DPP10: variants seen among roughly 807,000 people sequenced by gnomAD.
DPP10 encodes the protein dipeptidyl peptidase like 10.
A neutral mutation model predicts 120.9 loss-of-function variants in DPP10; 33 were observed. The observed-to-expected ratio is 0.27, with a 90% CI of 0.21 to 0.37. The LOEUF is 0.37. Among genes scored for constraint, DPP10 ranks in the 10% least tolerant of loss-of-function variants. The probability of loss-of-function intolerance (pLI) is 1.00; values close to 1 mark genes in which losing one functional copy is unlikely to be tolerated. For synonymous variants in DPP10, 337 were observed against 326.1 expected, an observed-to-expected ratio of 1.03 and a Z score of -0.36; for missense variants, 816 against 942.8, an observed-to-expected ratio of 0.87 and a Z score of 1.76.
intron 1 of DPP10, among the ~76,000 whole-genome samples, chr2:114,775,877 T>A (rs1384948223): frequency 6.6e-6 from 1 of 152,172 alleles, no homozygotes; most frequent in Non-Finnish European, 1.5e-5. Flanking sequence ...AAGACACTCC[T>A]ACGTCTCAAG....
chr2:114,874,696 C>T (rs550210667), intron 1 of DPP10, among the ~76,000 whole-genome samples: 1 of 152,196 alleles, frequency 6.6e-6, no homozygotes, highest in South Asian at 2.1e-4. Flanking sequence ...ATCTCCCCAA[C>T]CCCTGGTCCA....
At position 115,737,024 on chromosome 2, in the gene DPP10, C is replaced by T. The variant is rs576647795; in HGVS notation, c.698-2715C>T. ...GACAACGAAGTATTCTGTTCAAAAT[C>T]TTACCAACTGGGAAGATTTCTGTTT... On this transcript the variant is annotated intron_variant, in intron 8 of 25. Transcript: ENST00000410059. 2.0e-5 allele frequency among the ~76,000 whole-genome samples: 3 copies of T among 152,276 alleles called. No homozygotes were observed. In the South Asian group the frequency reaches 6.2e-4, roughly 32 times the overall value.
chr2:115,064,979 A>T (rs1156687318), intron 1 of DPP10, among the ~76,000 whole-genome samples: 1 of 152,142 alleles, frequency 6.6e-6, no homozygotes, highest in Admixed American at 6.5e-5. Flanking sequence ...GTGTATGTTT[A>T]TATTATAATT....
At chr2:115,526,778 T>G (rs2078158375) in intron 5 of DPP10, among the ~76,000 whole-genome samples, 1 of 152,108 alleles carries the variant, frequency 6.6e-6, no homozygotes, top group Non-Finnish European at 1.5e-5. Flanking sequence ...CACATGGAAT[T>G]TCACAGTTCG....
At chr2:115,100,167 G>A (rs957956136) in intron 1 of DPP10, among the ~76,000 whole-genome samples, 1 of 152,134 alleles carries the variant, frequency 6.6e-6, no homozygotes, top group East Asian at 1.9e-4. Context: ...TCTGTTGGCT[G>A]CATGCAGTGG....
intron 3 of DPP10, among the ~76,000 whole-genome samples, chr2:115,408,318 C>T (rs1260638630): frequency 6.6e-6 from 1 of 152,036 alleles, no homozygotes; most frequent in Non-Finnish European, 1.5e-5. Flanking sequence ...AGTGCGCAGG[C>T]GGGCATTATT....
chr2:115,577,101 C>G (rs1338390433), intron 5 of DPP10, among the ~76,000 whole-genome samples: 2 of 152,206 alleles, frequency 1.3e-5, no homozygotes, highest in African/African-American at 2.4e-5. Context: ...CTCTCTCTCT[C>G]TGTTCCTAAA....
intron 3 of DPP10, among the ~76,000 whole-genome samples, chr2:115,368,515 T>A (rs1338989301): frequency 6.6e-6 from 1 of 152,112 alleles, no homozygotes; most frequent in Non-Finnish European, 1.5e-5. Context: ...TTCCACATAT[T>A]TGAAGCACCA....
intron 1 of DPP10, among the ~76,000 whole-genome samples, chr2:115,026,073 A>T (rs1325646199): frequency 1.3e-5 from 2 of 151,900 alleles, no homozygotes; most frequent in Non-Finnish European, 2.9e-5. Flanking sequence ...TGCTTTTGAG[A>T]TTTTACACAA....
chr2:114,599,436 T>C (rs927235380), intron 1 of DPP10, among the ~76,000 whole-genome samples: 1 of 152,012 alleles, frequency 6.6e-6, no homozygotes, highest in Non-Finnish European at 1.5e-5. Flanking sequence ...TCTATAACCA[T>C]AGATTAGTTT....
chr2:115,490,183 A>G (rs115812361), intron 3 of DPP10, among the ~76,000 whole-genome samples: 2,550 of 152,212 alleles, frequency 0.017, 38 homozygotes, highest in Non-Finnish European at 0.026. Flanking sequence ...GAGACTGGGT[A>G]ATTTATAAAG....
At chr2:115,775,413 T>A (rs34033379) in intron 13 of DPP10, among the ~76,000 whole-genome samples, 13,346 of 151,926 alleles carry the variant, frequency 0.088, 635 homozygotes, top group South Asian at 0.13. Flanking sequence ...TTTAAAAATA[T>A]TAAAAGAATA....
intron 1 of DPP10, among the ~76,000 whole-genome samples, chr2:114,913,582 T>C (rs903626191): frequency 3.9e-5 from 6 of 152,088 alleles, no homozygotes; most frequent in African/African-American, 1.4e-4. Context: ...CCATCCAAAG[T>C]GGCAATTTTA....
At chr2:115,140,881 C>T (rs925590701) in intron 1 of DPP10, among the ~76,000 whole-genome samples, 1 of 146,506 alleles carries the variant, frequency 6.8e-6, no homozygotes, top group Middle Eastern at 3.5e-3. Flanking sequence ...TGAGATACTT[C>T]TTAGCTATTC....
intron 13 of DPP10, among the ~76,000 whole-genome samples, chr2:115,769,254 T>C (rs1035462633): frequency 3.9e-5 from 6 of 151,996 alleles, no homozygotes; most frequent in African/African-American, 1.4e-4. Context: ...TAGCTAAGAG[T>C]AATTTCATAC....
At chr2:115,009,542 A>C (rs1485000174) in intron 1 of DPP10, among the ~76,000 whole-genome samples, 1 of 152,002 alleles carries the variant, frequency 6.6e-6, no homozygotes, top group Non-Finnish European at 1.5e-5. Flanking sequence ...ACTAACCTGC[A>C]CAATGTGCAC....
chr2:114,979,734 A>C (rs1699970154), intron 1 of DPP10, among the ~76,000 whole-genome samples: 1 of 152,090 alleles, frequency 6.6e-6, no homozygotes, highest in African/African-American at 2.4e-5. Context: ...TTAAATTATA[A>C]GCAATAAAAA....
chr2:114,922,479 T>C (rs1428773721), intron 1 of DPP10, among the ~76,000 whole-genome samples: 3 of 152,104 alleles, frequency 2.0e-5, no homozygotes, highest in Non-Finnish European at 4.4e-5. Flanking sequence ...TGCTTGTTAA[T>C]TTTTCCATTT....
chr2:115,018,556 T>C (rs975639741), intron 1 of DPP10, among the ~76,000 whole-genome samples: 1 of 152,132 alleles, frequency 6.6e-6, no homozygotes, highest in African/African-American at 2.4e-5. Flanking sequence ...AATATGTCCT[T>C]TGCAGGGACA....
Sources: allele counts gnomAD v4.1 joint callset (sites outside exome capture counted in the v4.1 genomes callset), GRCh38; gene constraint gnomAD v4.1.1; transcripts MANE v1.5; gene names NCBI Gene and HGNC (gene_info 2026-07-23, HGNC 2026-07-21).